Variants in SCRIB observed in about 807,000 individuals in gnomAD.
SCRIB encodes the protein scribble planar cell polarity protein.
SCRIB carries 72 observed loss-of-function variants against 170.0 expected under a neutral mutation model. The observed-to-expected ratio is 0.42, with a 90% confidence interval of 0.35 to 0.52. SCRIB has a LOEUF of 0.52. Ranked by LOEUF, SCRIB falls within the 20% of genes least tolerant of loss-of-function variation. The pLI, the probability that SCRIB is intolerant of heterozygous loss-of-function variation, is 0.02. For missense variants in SCRIB, 2,475 were observed against 2,338.5 expected (o/e 1.06, Z -1.20); for synonymous variants, 1,298 against 1,044.3 (o/e 1.24, Z -4.68).
rs769052591 is a variant in SCRIB, at chr8:143,813,010, C to T, written c.642+20G>A. On this transcript the variant is annotated intron_variant, in intron 7 of 36. Transcript: ENST00000356994. Reference sequence around the variant, plus strand: ...GCGCGGATGGGCACGAAGCAGGGGGCCAGCCCCACCCTGACTCACCGGGGG... The same window carrying T: ...GCGCGGATGGGCACGAAGCAGGGGGTCAGCCCCACCCTGACTCACCGGGGG... The T allele has an allele frequency of 3.1e-6, 5 of 1,607,622 alleles. No individual in the cohort carries two copies. The Admixed American group carries it at 8.5e-5, about 27-fold the overall frequency.
chr8:143,809,328 G>A (rs1262606705), intron 14 of SCRIB, among the ~76,000 whole-genome samples: 4 of 152,090 alleles, frequency 2.6e-5, no homozygotes, highest in East Asian at 3.9e-4. Context: ...GAGCCCAGCC[G>A]TCAGGGGAGA....
chr8:143,793,559 C>T, intron 28 of SCRIB: 1 of 347,374 alleles, frequency 2.9e-6, no homozygotes, highest in Non-Finnish European at 5.3e-6. Flanking sequence ...GAGGTGCCAA[C>T]AGTGGGGGGG....
intron 24 of SCRIB, among the ~76,000 whole-genome samples, chr8:143,802,489 AG>A (rs1364766519): frequency 6.6e-6 from 1 of 152,242 alleles, no homozygotes; most frequent in African/African-American, 2.4e-5. Flanking sequence ...TGTGACCAGC[AG>A]GGACACCCTC....
At chr8:143,795,166 G>A (rs576697533) in intron 26 of SCRIB, 54 bp from the exon 27 acceptor site, 249 of 1,598,638 alleles carry the variant, frequency 1.6e-4, no homozygotes, top group Admixed American at 6.0e-4. Flanking sequence ...GCAGCACCCG[G>A]CCAGCACAGG....
At chr8:143,813,440 G>A (rs763318944) in intron 5 of SCRIB, 30 bp downstream of exon 5, 4 of 1,613,004 alleles carry the variant, frequency 2.5e-6, no homozygotes, top group Non-Finnish European at 3.4e-6. Context: ...GCCCTGCCCT[G>A]GCTGTTAGGA....
intron 24 of SCRIB, among the ~76,000 whole-genome samples, chr8:143,799,217 A>AT (rs1299922306): frequency 9.9e-5 from 15 of 152,234 alleles, no homozygotes; most frequent in Admixed American, 9.2e-4. Context: ...CTTTACAGAC[A>AT]TATCTACAGA....
chr8:143,800,769 G>A (rs1554634836), intron 24 of SCRIB, among the ~76,000 whole-genome samples: 1 of 152,226 alleles, frequency 6.6e-6, no homozygotes, highest in African/African-American at 2.4e-5. Flanking sequence ...CCAGCTACTC[G>A]GGAGGCTGAG....
At position 143,815,608 on chromosome 8, in the gene SCRIB, A is replaced by G; in HGVS notation, c.-236T>C. 3.1e-6 allele frequency: 3 copies of G among 980,904 alleles called. No homozygotes were observed. The highest frequency in any genetic ancestry group is 3.6e-6 in the Non-Finnish European group (3 of 828,202). The allele number at this position is 980,904 out of a possible 1,614,324, so 60.8% of individuals were successfully genotyped here. A position where few individuals can be genotyped will look rare whatever the true frequency, so the allele number is the denominator to read the frequency against. On this transcript the variant is annotated 5_prime_UTR_variant, in exon 1 of 37. Transcript: ENST00000356994. ...CCCGGCGGGTCTCAGACTCTTAGGA[A>G]GCGCGGGGAGCGGCGGCGGCGGCGG...
intron 1 of SCRIB, chr8:143,814,987 C>A (rs1012827753): frequency 2.1e-5 from 11 of 512,738 alleles, no homozygotes; most frequent in Admixed American, 7.8e-5. Flanking sequence ...CGCCTCCAGG[C>A]TCGGTGACAA....
At position 143,803,943 on chromosome 8, in the gene SCRIB, G is replaced by A. The variant is rs782644892; in HGVS notation, c.3121-3C>T. 2 of 1,577,178 alleles carry A rather than the reference G, an allele frequency of 1.3e-6. No individual in the cohort carries two copies. The highest frequency in any genetic ancestry group is 1.3e-5 in the African/African-American group (1 of 74,230). On this transcript the variant is annotated splice_polypyrimidine_tract_variant and splice_region_variant and intron_variant, in intron 22 of 36. Transcript: ENST00000356994. Reference sequence around the variant, plus strand: ...GCGGCCAGGCCCCGCGGGAGCACCTGTCAGGGAGGAGGGTGGCAGCTGGTG... The same window carrying A: ...GCGGCCAGGCCCCGCGGGAGCACCTATCAGGGAGGAGGGTGGCAGCTGGTG...
chr8:143,795,451 T>TGGAAGA lies in SCRIB; in HGVS notation c.3682_3683insTCTTCC (p.Asp1228delinsValPheHis). The TGGAAGA allele has an allele frequency of 6.2e-7, 1 of 1,612,996 alleles. No individual in the cohort carries two copies. The highest frequency in any genetic ancestry group is 8.5e-7 in the Non-Finnish European group (1 of 1,179,776). ...TGGGCCCTCAGGGCTCAGCTCCCGGTCGATGGAAGAGATGCTCTCCAGGCT... is the reference window on the plus strand; with the variant it reads ...TGGGCCCTCAGGGCTCAGCTCCCGGTGGAAGACGATGGAAGAGATGCTCTCCAGGCT... On this transcript the variant is annotated protein_altering_variant, in exon 25 of 37. Transcript: ENST00000356994.
rs1820050374 is a variant in SCRIB, at chr8:143,790,949, C to T, written c.*214G>A. 11 of 460,434 alleles carry T rather than the reference C, an allele frequency of 2.4e-5. No individual in the cohort carries two copies. The East Asian group carries it at 3.9e-4, about 16-fold the overall frequency. The allele number at this position is 460,434 out of a possible 1,614,324, so 28.5% of individuals were successfully genotyped here. ...GTAAAATGTAGTCAACTTTATTCTC[C>T]TTAAACCACAAAATAGAGTCTTTGG... On this transcript the variant is annotated 3_prime_UTR_variant, in exon 37 of 37. Coordinates refer to ENST00000356994, the MANE Select transcript of SCRIB (RefSeq NM_182706.5).
chr8:143,791,575 G>A, intron 35 of SCRIB, 91 bp downstream of exon 35: 1 of 1,518,676 alleles, frequency 6.6e-7, no homozygotes, highest in African/African-American at 1.4e-5. Flanking sequence ...CAGGGCCACG[G>A]CAGAGCGTGG....
intron 24 of SCRIB, among the ~76,000 whole-genome samples, chr8:143,802,589 T>C (rs2130059688): frequency 6.6e-6 from 1 of 152,260 alleles, no homozygotes; most frequent in East Asian, 1.9e-4. Flanking sequence ...ACCCACCCTC[T>C]TGTGGCCCTG....
chr8:143,802,065 G>A (rs1351047675), intron 24 of SCRIB, among the ~76,000 whole-genome samples: 3 of 152,250 alleles, frequency 2.0e-5, no homozygotes, highest in Non-Finnish European at 4.4e-5. Context: ...TATATCGAAT[G>A]AAACGTGTTT....
At chr8:143,811,531 C>A (rs1197895962) in intron 9 of SCRIB, among the ~76,000 whole-genome samples, 186 bp from the exon 10 acceptor site, 1 of 152,124 alleles carries the variant, frequency 6.6e-6, no homozygotes, top group Non-Finnish European at 1.5e-5. Flanking sequence ...GCCCTCTGCT[C>A]CCCAAGCTCT....
chr8:143,804,423 A>C, intron 21 of SCRIB, 145 bp downstream of exon 21: 1 of 876,534 alleles, frequency 1.1e-6, no homozygotes. Flanking sequence ...GCAGAGCCCC[A>C]GCCTCAAGGA....
At chr8:143,806,139 GAAAAACA>G in intron 18 of SCRIB, among the ~76,000 whole-genome samples, 1 of 152,164 alleles carries the variant, frequency 6.6e-6, no homozygotes, top group Non-Finnish European at 1.5e-5. Context: ...CCCACTGGTA[GAAAAACA>G]CACCTGTACC....
Position 143,812,497 on chromosome 8 carries a change from G to A in SCRIB, c.788-113C>T, listed in dbSNP as rs151007727. The A allele has an allele frequency of 1.9e-4, 158 of 845,310 alleles. 2 individuals carry two copies. The highest frequency in any genetic ancestry group is 1.5e-3 in the East Asian group (58 of 39,226). 52.4% of individuals were successfully genotyped at this position (845,310 alleles called of 1,614,324 possible). On this transcript the variant is annotated intron_variant, in intron 8 of 36. Transcript: ENST00000356994. ...AGCAAGGCCCCCAGCCCCTTCTGCC[G>A]CCGCCGTACTTCGGGAGGACCCTAC...
Sources: allele counts gnomAD v4.1 joint callset (sites outside exome capture counted in the v4.1 genomes callset), GRCh38; gene constraint gnomAD v4.1.1; transcripts MANE v1.5; gene names NCBI Gene and HGNC (gene_info 2026-07-23, HGNC 2026-07-21).